CDIP1: variants seen among roughly 807,000 people sequenced by gnomAD.
The protein encoded by CDIP1 is cell death-inducing p53-target protein 1.
In CDIP1, 9 loss-of-function variants were observed where a neutral mutation model predicts 17.7. The ratio of observed to expected loss-of-function variants is 0.51; its 90% CI spans 0.31 to 0.89. The LOEUF (loss-of-function observed/expected upper bound fraction) is 0.89, where lower values mean the gene tolerates loss of function less well. CDIP1 is among the 40% of genes least tolerant of loss of function. The pLI is 0.05. For synonymous variants in CDIP1, 117 were observed against 109.5 expected (o/e 1.07, Z -0.43); for missense variants, 263 against 277.9 (o/e 0.95, Z 0.38).
intron 1 of CDIP1, among the ~76,000 whole-genome samples, chr16:4,517,608 A>G (rs2058901344): frequency 1.3e-5 from 2 of 152,032 alleles, no homozygotes; most frequent in Admixed American, 1.3e-4. Context: ...AGGCATGATA[A>G]TGTATGCCTG....
At chr16:4,534,708 T>G (rs945042062) in intron 1 of CDIP1, among the ~76,000 whole-genome samples, 1 of 151,752 alleles carries the variant, frequency 6.6e-6, no homozygotes, top group African/African-American at 2.4e-5. Flanking sequence ...TTTTTTTTTT[T>G]TTTTTGGTTT....
chr16:4,521,379 G>A (rs1389610296), intron 1 of CDIP1, among the ~76,000 whole-genome samples: 1 of 152,146 alleles, frequency 6.6e-6, no homozygotes, highest in Non-Finnish European at 1.5e-5. Flanking sequence ...ACCCCCACTA[G>A]AAGTTAAGGG....
chr16:4,529,600 G>A (rs562163535), intron 1 of CDIP1, among the ~76,000 whole-genome samples: 13 of 152,336 alleles, frequency 8.5e-5, no homozygotes, highest in Non-Finnish European at 1.5e-4. Context: ...CCACAGGCAG[G>A]CCTTGGTAAC....
intron 1 of CDIP1, among the ~76,000 whole-genome samples, chr16:4,519,227 CA>C (rs2141637035): frequency 6.6e-6 from 1 of 152,312 alleles, no homozygotes; most frequent in African/African-American, 2.4e-5. Flanking sequence ...CCTCTGCTTT[CA>C]CACCATAACA....
intron 1 of CDIP1, chr16:4,538,331 A>C (rs2141669291): frequency 6.6e-6 from 1 of 152,386 alleles, no homozygotes; most frequent in South Asian, 2.1e-4. Context: ...TTACCTCCAG[A>C]AGCCCGGTGC....
At position 4,513,171 on chromosome 16, in the gene CDIP1, C is replaced by G; in HGVS notation, c.242-107G>C. Reference sequence around the variant, plus strand: ...GGTCCACAGCGCCCAGCGTGCAAGGCTACGCCTCAGACCTCCTACCGCCCT... The same window carrying G: ...GGTCCACAGCGCCCAGCGTGCAAGGGTACGCCTCAGACCTCCTACCGCCCT... On this transcript the variant is annotated intron_variant, in intron 4 of 5. Transcript: ENST00000567695. The surrounding 1 kb of genome is among the most constrained non-coding windows in gnomAD (Gnocchi z 4.1). 8.2e-7 allele frequency: 1 copy of G among 1,215,876 alleles called. No homozygotes were observed. The highest frequency in any genetic ancestry group is 1.1e-6 in the Non-Finnish European group (1 of 896,526). 75.3% of individuals were successfully genotyped at this position (1,215,876 alleles called of 1,614,324 possible).
rs1336573629 is a variant in CDIP1 at position 4,513,300 on chromosome 16, G to A, written c.242-236C>T. ...CCACCCCTTGGGGCCCATGACAGAT[G>A]TGGCAGAGAGCCAGGCACATGGCCC... On this transcript the variant is annotated intron_variant, in intron 4 of 5. Transcript: ENST00000567695. This position sits in a 1 kb window ranked among gnomAD's most constrained non-coding sequence, Gnocchi z 4.1. Among the ~76,000 whole-genome samples, 1 of 152,140 alleles carries A rather than the reference G, an allele frequency of 6.6e-6. No individual in the cohort carries two copies. The highest frequency in any genetic ancestry group is 1.5e-5 in the Non-Finnish European group (1 of 68,012).
chr16:4,524,588 T>G (rs531147115), intron 1 of CDIP1, among the ~76,000 whole-genome samples: 12 of 152,302 alleles, frequency 7.9e-5, no homozygotes, highest in African/African-American at 2.9e-4. Context: ...CTTTCCTGCC[T>G]TCCTCCCATC....
At chr16:4,528,461 C>G (rs2059022809) in intron 1 of CDIP1, among the ~76,000 whole-genome samples, 1 of 152,068 alleles carries the variant, frequency 6.6e-6, no homozygotes. Context: ...AAACGTTCTA[C>G]TGATGTGGAG....
At chr16:4,527,866 G>T (rs570284938) in intron 1 of CDIP1, among the ~76,000 whole-genome samples, 11 of 152,190 alleles carry the variant, frequency 7.2e-5, no homozygotes, top group South Asian at 6.2e-4. Flanking sequence ...GCCCAGGCTG[G>T]AATGCAATGG....
chr16:4,516,151 A>G (rs1167668558), intron 1 of CDIP1, among the ~76,000 whole-genome samples: 1 of 152,238 alleles, frequency 6.6e-6, no homozygotes, highest in East Asian at 1.9e-4. Flanking sequence ...ATGCTTGGTG[A>G]GAGAAGCCAG....
At chr16:4,533,850 C>G (rs2059079393) in intron 1 of CDIP1, among the ~76,000 whole-genome samples, 1 of 152,158 alleles carries the variant, frequency 6.6e-6, no homozygotes, top group Non-Finnish European at 1.5e-5. Flanking sequence ...AATCCTGGGA[C>G]TCTCCCACTT....
intron 1 of CDIP1, among the ~76,000 whole-genome samples, chr16:4,535,452 A>C (rs1403199020): frequency 6.6e-6 from 1 of 152,096 alleles, no homozygotes; most frequent in African/African-American, 2.4e-5. Context: ...GGACCCCCTC[A>C]CCCTGCACTG....
rs189369980 is a variant in CDIP1 at position 4,537,520 on chromosome 16, G to T, written c.-105+1182C>A. ...CGGGCACCGCCCCGCCCAGCATCAG[G>T]CCCCAGAATACAGAAGAAACTGGCA... On this transcript the variant is annotated intron_variant, in intron 1 of 5. Transcript: ENST00000567695. Among the ~76,000 whole-genome samples, 6 of 152,274 alleles carry T rather than the reference G, an allele frequency of 3.9e-5. No individual in the cohort carries two copies. The East Asian group carries it at 9.7e-4, about 25-fold the overall frequency.
At chr16:4,534,872 C>T (rs1421670169) in intron 1 of CDIP1, among the ~76,000 whole-genome samples, 4 of 152,002 alleles carry the variant, frequency 2.6e-5, no homozygotes, top group Admixed American at 6.6e-5. Context: ...GCATGCACCA[C>T]CACACCCGGC....
At position 4,513,443 on chromosome 16, in the gene CDIP1, G is replaced by A. The variant is rs995005345; in HGVS notation, c.241+253C>T. The stretch of plus-strand genomic sequence containing the variant: ...CCCACCCCTCTCCTGCACACAAGGC[G>A]CCCCTCCCCACCCATGTCAGGTCCT... On this transcript the variant is annotated intron_variant, in intron 4 of 5. Transcript: ENST00000567695. The surrounding 1 kb of genome is among the most constrained non-coding windows in gnomAD (Gnocchi z 4.1). 6.6e-6 allele frequency among the ~76,000 whole-genome samples: 1 copy of A among 151,966 alleles called. No homozygotes were observed. The highest frequency in any genetic ancestry group is 6.6e-5 in the Admixed American group (1 of 15,242).
Position 4,513,789 on chromosome 16 carries a change from C to T in CDIP1, c.148G>A (p.Gly50Ser). Residue 50 changes from glycine (G) to serine (S), a missense_variant, in exon 4 of 6, where the codon GGC (glycine) becomes AGC (serine). Gly to Ser is a moderately conservative substitution (Grantham distance 56). Coordinates refer to ENST00000567695, the MANE Select transcript of CDIP1 (RefSeq NM_013399.3). The surrounding 1 kb of genome is among the most constrained non-coding windows in gnomAD (Gnocchi z 4.1). ...CCCGGCGGCTCATAGGGTGGGGGGC[C>T]AATGTCCGCAGGGGGCAGTGGCATG... ...PGMPLPPADI[G>S]PPPYEPPGHP... The T allele has an allele frequency of 6.2e-7, 1 of 1,605,444 alleles. No homozygotes were observed.
intron 1 of CDIP1, chr16:4,533,626 A>C (rs2141660821): frequency 6.6e-6 from 1 of 152,352 alleles, no homozygotes; most frequent in South Asian, 2.1e-4. Context: ...GGTGACAGGG[A>C]AGAGTCTGGA....
chr16:4,513,068 G>C lies in CDIP1; in HGVS notation c.242-4C>G, dbSNP rs777540139. 5 of 1,582,044 alleles carry C rather than the reference G, an allele frequency of 3.2e-6. No individual in the cohort carries two copies. Among genetic ancestry groups the C allele is most frequent in the African/African-American group, 2.7e-5 (2 of 74,228 alleles). The stretch of plus-strand genomic sequence containing the variant: ...GGGCCTGGAGGAGGGTAGAAACCTG[G>C]AATGGCACAGAAGATGGAGGCGAGA... On this transcript the variant is annotated splice_polypyrimidine_tract_variant and splice_region_variant and intron_variant, in intron 4 of 5. Coordinates refer to ENST00000567695, the MANE Select transcript of CDIP1 (RefSeq NM_013399.3). The surrounding 1 kb of genome is among the most constrained non-coding windows in gnomAD (Gnocchi z 4.1).
Sources: allele counts gnomAD v4.1 joint callset (sites outside exome capture counted in the v4.1 genomes callset), GRCh38; gene constraint gnomAD v4.1.1; non-coding constraint Gnocchi (gnomAD v3.1); transcripts MANE v1.5; gene names NCBI Gene and HGNC (gene_info 2026-07-23, HGNC 2026-07-21).